RFX4: variants seen among roughly 807,000 people sequenced by gnomAD.
RFX4 encodes the protein regulatory factor X4.
In RFX4, 10 loss-of-function variants were observed where a neutral mutation model predicts 95.0. That is an observed-to-expected ratio of 0.11 (90% CI 0.06 to 0.18). The LOEUF is 0.18. RFX4 is among the 10% of genes least tolerant of loss of function. RFX4 has a pLI of 1.00. For synonymous variants in RFX4, 321 were observed against 340.7 expected (o/e 0.94, Z 0.64); for missense variants, 640 against 922.0 (o/e 0.69, Z 3.96).
chr12:106,716,292 G>A (rs1198423390), intron 11 of RFX4, among the ~76,000 whole-genome samples: 1 of 152,116 alleles, frequency 6.6e-6, no homozygotes, highest in Non-Finnish European at 1.5e-5. Flanking sequence ...CAGGAAAGGT[G>A]TTGAGAGCAT....
intron 3 of RFX4, among the ~76,000 whole-genome samples, chr12:106,651,037 A>G (rs2040847866): frequency 1.3e-5 from 2 of 152,180 alleles, no homozygotes; most frequent in Admixed American, 1.3e-4. Flanking sequence ...TTGAACTCCA[A>G]GTGGGTGCTA....
In RFX4 at chr12:106,586,957, C is replaced by T. The variant is rs1378230185; in HGVS notation, c.43+3594C>T. Among the ~76,000 whole-genome samples the T allele has an allele frequency of 6.6e-6, 1 of 152,194 alleles. No homozygotes were observed. Among genetic ancestry groups the T allele is most frequent in the Non-Finnish European group, 1.5e-5 (1 of 68,020 alleles). On this transcript the variant is annotated intron_variant, in intron 1 of 17. Coordinates refer to ENST00000392842, the MANE Select transcript of RFX4 (RefSeq NM_213594.3). The surrounding 1 kb of genome is among the most constrained non-coding windows in gnomAD (Gnocchi z 5.6). ...CTCCAGCGCCCAAACCAGACAGTCT[C>T]GCCCTCCCCGGGCGTGTGTGTGTGC...
intron 1 of RFX4, among the ~76,000 whole-genome samples, chr12:106,607,172 A>G (rs939854673): frequency 1.8e-4 from 27 of 152,214 alleles, no homozygotes; most frequent in African/African-American, 5.3e-4. Context: ...CACTTCTGCT[A>G]TAATACCCCA....
intron 8 of RFX4, among the ~76,000 whole-genome samples, chr12:106,706,750 TAGAAC>T (rs1297871795): frequency 1.3e-5 from 2 of 152,054 alleles, no homozygotes; most frequent in African/African-American, 4.8e-5. Context: ...ATTTAAGAAA[TAGAAC>T]AGGACAATGT....
intron 13 of RFX4, among the ~76,000 whole-genome samples, chr12:106,721,522 CG>C (rs1393469858): frequency 1.3e-5 from 2 of 152,074 alleles, no homozygotes; most frequent in Admixed American, 6.6e-5. Flanking sequence ...ATTACTGAAT[CG>C]GGGTGAATGT....
chr12:106,758,354 G>A (rs570735370), intron 17 of RFX4, among the ~76,000 whole-genome samples: 9 of 152,256 alleles, frequency 5.9e-5, no homozygotes, highest in South Asian at 2.1e-4. Flanking sequence ...CTGACCTAAC[G>A]GGACAGAATT....
chr12:106,662,219 G>A, intron 4 of RFX4: 2 of 401,126 alleles, frequency 5.0e-6, no homozygotes, highest in Admixed American at 2.7e-5. Context: ...ATCCTCACCA[G>A]CATTTGGTGT....
At chr12:106,678,241 C>T (rs965678986) in intron 4 of RFX4, among the ~76,000 whole-genome samples, 1 of 152,160 alleles carries the variant, frequency 6.6e-6, no homozygotes. Flanking sequence ...ATCTCTAGAA[C>T]ACAGTCGGCA....
intron 2 of RFX4, among the ~76,000 whole-genome samples, chr12:106,631,964 T>A (rs532513644): frequency 6.6e-6 from 1 of 152,344 alleles, no homozygotes; most frequent in African/African-American, 2.4e-5. Flanking sequence ...GCAAGTCCTT[T>A]GAACCGGAAG....
intron 17 of RFX4, among the ~76,000 whole-genome samples, chr12:106,753,328 G>T (rs1228531404): frequency 3.3e-5 from 5 of 152,116 alleles, no homozygotes; most frequent in Non-Finnish European, 4.4e-5. Context: ...GGGCATTCAT[G>T]ATGGGCATTC....
At chr12:106,718,891 A>G (rs984407092) in intron 11 of RFX4, among the ~76,000 whole-genome samples, 2 of 151,644 alleles carry the variant, frequency 1.3e-5, no homozygotes, top group Non-Finnish European at 2.9e-5. Context: ...CGGGCGGATC[A>G]CGAGGTCAGG....
chr12:106,639,606 G>GT (rs1232328552), intron 3 of RFX4, among the ~76,000 whole-genome samples: 1 of 152,160 alleles, frequency 6.6e-6, no homozygotes, highest in East Asian at 1.9e-4. Flanking sequence ...TAGGGTAGAT[G>GT]TTTTTTCTGT....
chr12:106,622,928 A>AT (rs1216330935), intron 2 of RFX4, among the ~76,000 whole-genome samples: 2 of 149,790 alleles, frequency 1.3e-5, no homozygotes, highest in Non-Finnish European at 3.0e-5. Context: ...CCCAAATTGC[A>AT]TTTTTTCCCC....
intron 4 of RFX4, among the ~76,000 whole-genome samples, chr12:106,664,344 G>A (rs1354111141): frequency 3.3e-5 from 5 of 151,770 alleles, no homozygotes; most frequent in African/African-American, 1.2e-4. Context: ...TGGGCATAGA[G>A]TTATTTATAG....
intron 1 of RFX4, among the ~76,000 whole-genome samples, chr12:106,600,748 C>T (rs1482954589): frequency 2.0e-5 from 3 of 152,140 alleles, no homozygotes; most frequent in African/African-American, 4.8e-5. Context: ...CCCCACCTCC[C>T]GCTTCGTCAT....
intron 1 of RFX4, among the ~76,000 whole-genome samples, chr12:106,595,445 G>A (rs1168330782): frequency 6.6e-6 from 1 of 152,206 alleles, no homozygotes; most frequent in Non-Finnish European, 1.5e-5. Context: ...GCGACTGGGT[G>A]CCACTGGCCT....
intron 15 of RFX4, among the ~76,000 whole-genome samples, chr12:106,743,180 G>A (rs992224855): frequency 6.6e-6 from 1 of 152,166 alleles, no homozygotes; most frequent in African/African-American, 2.4e-5. Flanking sequence ...AATGTGAGGA[G>A]GGGAGGGGGG....
chr12:106,701,421 C>T (rs929143266), intron 8 of RFX4, among the ~76,000 whole-genome samples: 1 of 151,682 alleles, frequency 6.6e-6, no homozygotes, highest in Admixed American at 6.6e-5. Flanking sequence ...TGATGTATTT[C>T]ATTATTTTTG....
intron 9 of RFX4, among the ~76,000 whole-genome samples, chr12:106,710,395 C>G (rs1311898827): frequency 6.6e-6 from 1 of 152,096 alleles, no homozygotes; most frequent in African/African-American, 2.4e-5. Flanking sequence ...TTCCACATCA[C>G]AAAGTTAAAG....
Sources: allele counts gnomAD v4.1 joint callset (sites outside exome capture counted in the v4.1 genomes callset), GRCh38; gene constraint gnomAD v4.1.1; non-coding constraint Gnocchi (gnomAD v3.1); transcripts MANE v1.5; gene names NCBI Gene and HGNC (gene_info 2026-07-23, HGNC 2026-07-21).